Variants in NCKAP5 observed in about 807,000 individuals in gnomAD.
The protein encoded by NCKAP5 is nck-associated protein 5.
A neutral mutation model predicts 167.0 loss-of-function variants in NCKAP5; 92 were observed. The ratio of observed to expected loss-of-function variants is 0.55; its 90% CI spans 0.47 to 0.66. The LOEUF is 0.66. Ranked by LOEUF, NCKAP5 falls within the 30% of genes least tolerant of loss-of-function variation. The pLI is 0.00. For missense variants in NCKAP5, 2,378 were observed against 2,315.0 expected (o/e 1.03, Z -0.56); for synonymous variants, 891 against 877.4 (o/e 1.02, Z -0.27).
chr2:132,701,087 A>AATATAAT (rs556162556), intron 19 of NCKAP5, among the ~76,000 whole-genome samples: 1,782 of 152,166 alleles, frequency 0.012, 40 homozygotes, highest in African/African-American at 0.039. Flanking sequence ...TACATATATA[A>AATATAAT]ATATAATATA....
chr2:133,464,019 A>C (rs2151244693), intron 3 of NCKAP5, among the ~76,000 whole-genome samples: 1 of 152,320 alleles, frequency 6.6e-6, no homozygotes, highest in East Asian at 1.9e-4. Flanking sequence ...TCAGTTCAGC[A>C]TCATCATGTG....
In NCKAP5 at chr2:132,688,212, C is replaced by A. The variant is rs115138970; in HGVS notation, c.5714-14907G>T. Among the ~76,000 whole-genome samples the A allele has an allele frequency of 7.8e-3, 1,180 of 152,242 alleles. 8 individuals are homozygous for A. Among genetic ancestry groups the A allele is most frequent in the Middle Eastern group, 0.024 (7 of 294 alleles). The stretch of plus-strand genomic sequence containing the variant: ...GTAAGAGGTTGGTACATTCTGTTCA[C>A]TATGACTGATGATTTTAAGGGGGAT... On this transcript the variant is annotated intron_variant, in intron 19 of 19. Coordinates refer to ENST00000409261, the MANE Select transcript of NCKAP5 (RefSeq NM_207363.3).
Position 133,525,858 on chromosome 2 carries a change from C to T in NCKAP5, c.-61-8271G>A, listed in dbSNP as rs188115035. ...TCCTGGACAGGCCTGAGTTCACATT[C>T]TCCAACTGCCACTTACAAGTTCTGT... is the stretch of plus-strand genomic sequence containing the variant. On this transcript the variant is annotated intron_variant, in intron 2 of 19. Coordinates refer to ENST00000409261, the MANE Select transcript of NCKAP5 (RefSeq NM_207363.3). 7.8e-4 allele frequency among the ~76,000 whole-genome samples: 119 copies of T among 152,196 alleles called. 2 individuals are homozygous for T. Among genetic ancestry groups the T allele is most frequent in the Middle Eastern group, 3.4e-3 (1 of 294 alleles).
At chr2:133,213,619 C>G in intron 5 of NCKAP5, 97 bp downstream of exon 5, 1 of 1,180,270 alleles carries the variant, frequency 8.5e-7, no homozygotes, top group Non-Finnish European at 1.2e-6. Flanking sequence ...TTGCTGCAAG[C>G]AAATATTTTC....
chr2:133,319,397 T>C (rs903619855), intron 3 of NCKAP5, among the ~76,000 whole-genome samples: 3 of 152,168 alleles, frequency 2.0e-5, no homozygotes, highest in African/African-American at 7.2e-5. Context: ...ATTTAGGTGC[T>C]GTTTTTCAGG....
intron 11 of NCKAP5, among the ~76,000 whole-genome samples, chr2:132,811,043 G>A (rs982353434): frequency 2.0e-5 from 3 of 152,150 alleles, no homozygotes; most frequent in Admixed American, 6.5e-5. Context: ...CTCTTTTCCA[G>A]ATCTAGCCAC....
intron 8 of NCKAP5, among the ~76,000 whole-genome samples, chr2:132,941,726 G>A (rs1202048460): frequency 2.6e-5 from 4 of 152,016 alleles, no homozygotes; most frequent in African/African-American, 9.7e-5. Context: ...CTCCTTTTAA[G>A]GCAATTTGAG....
chr2:133,294,467 C>T (rs537891043), intron 4 of NCKAP5, among the ~76,000 whole-genome samples: 1 of 152,282 alleles, frequency 6.6e-6, no homozygotes, highest in Admixed American at 6.5e-5. Flanking sequence ...CTGTATTTTA[C>T]AACTACAAGA....
intron 19 of NCKAP5, among the ~76,000 whole-genome samples, chr2:132,699,533 A>T (rs1347626399): frequency 6.6e-6 from 1 of 151,058 alleles, no homozygotes; most frequent in East Asian, 2.0e-4. Flanking sequence ...CCTGTGTCCA[A>T]GTGTTCTCAT....
Position 133,253,830 on chromosome 2 carries a change from G to A in NCKAP5, c.144-40051C>T, listed in dbSNP as rs530062179. ...GAGAAAGTGTCATCACAAAACCACT[G>A]AAGGACCCATGCCAGACATGTCCCA... is the stretch of plus-strand genomic sequence containing the variant. On this transcript the variant is annotated intron_variant, in intron 4 of 19. Coordinates refer to ENST00000409261, the MANE Select transcript of NCKAP5 (RefSeq NM_207363.3). Among the ~76,000 whole-genome samples the A allele has an allele frequency of 2.6e-5, 4 of 152,318 alleles. No homozygotes were observed. The East Asian group carries it at 5.8e-4, about 22-fold the overall frequency.
the NCKAP5 span, among the ~76,000 whole-genome samples, chr2:133,609,722 T>C: frequency 6.6e-6 from 1 of 152,174 alleles, no homozygotes; most frequent in Non-Finnish European, 1.5e-5. Flanking sequence ...CCAACAGCTC[T>C]GAGTTTTATA....
chr2:133,001,047 A>T (rs6748574), intron 6 of NCKAP5, among the ~76,000 whole-genome samples: 3,386 of 152,198 alleles, frequency 0.022, 114 homozygotes, highest in African/African-American at 0.077. Flanking sequence ...CTCTATAGGG[A>T]TTTGGACTGC....
the NCKAP5 span, among the ~76,000 whole-genome samples, chr2:133,611,948 G>A: frequency 6.6e-5 from 10 of 152,086 alleles, no homozygotes; most frequent in South Asian, 2.1e-4. Flanking sequence ...TTTCAGCTTC[G>A]ACATTTCAAC....
intron 3 of NCKAP5, among the ~76,000 whole-genome samples, chr2:133,510,400 T>C (rs1683385560): frequency 6.6e-6 from 1 of 152,162 alleles, no homozygotes; most frequent in African/African-American, 2.4e-5. Context: ...CACACACACA[T>C]GCACGTACAC....
intron 19 of NCKAP5, among the ~76,000 whole-genome samples, chr2:132,715,994 G>T (rs1428757090): frequency 6.6e-6 from 1 of 152,086 alleles, no homozygotes; most frequent in East Asian, 1.9e-4. Context: ...TCTCCCTGTG[G>T]TTGGGGGCTG....
intron 3 of NCKAP5, among the ~76,000 whole-genome samples, chr2:133,376,231 T>C (rs1258494556): frequency 2.6e-5 from 4 of 152,182 alleles, no homozygotes; most frequent in African/African-American, 9.7e-5. Flanking sequence ...ACAAAATTAA[T>C]ACACTTATGA....
intron 6 of NCKAP5, among the ~76,000 whole-genome samples, chr2:133,007,828 A>G (rs2078019382): frequency 6.6e-6 from 1 of 152,214 alleles, no homozygotes; most frequent in African/African-American, 2.4e-5. Context: ...AGTTTTCTCT[A>G]TGGACAGGAA....
chr2:133,397,950 G>A lies in NCKAP5; in HGVS notation c.70-94840C>T, dbSNP rs1021035791. Among the ~76,000 whole-genome samples, 15 of 152,246 alleles carry A rather than the reference G, an allele frequency of 9.9e-5. 1 individual carries two copies. The highest frequency in any genetic ancestry group is 9.2e-4 in the Admixed American group (14 of 15,282). The stretch of plus-strand genomic sequence containing the variant: ...TCAGCAATGTGAGAGATTGGTTTGG[G>A]GAGAATCTTTTGACAAGTCCTGTAT... On this transcript the variant is annotated intron_variant, in intron 3 of 19. Transcript: ENST00000409261.
At chr2:133,592,275 C>T in the NCKAP5 span, among the ~76,000 whole-genome samples, 5 of 152,316 alleles carry the variant, frequency 3.3e-5, no homozygotes, top group South Asian at 8.3e-4. Context: ...AACTATGTCA[C>T]TCTAGTCAGA....
Sources: gnomAD v4.1 joint callset for allele counts (sites outside exome capture counted in the v4.1 genomes callset) on GRCh38, gnomAD v4.1.1 for gene constraint, MANE v1.5 for transcripts, NCBI Gene and HGNC (gene_info 2026-07-23, HGNC 2026-07-21) for gene names.